Variants in ZNF682 observed in about 807,000 individuals in gnomAD.
The protein encoded by ZNF682 is zinc finger protein 682.
In ZNF682, 29 loss-of-function variants were observed where a neutral mutation model predicts 36.5. The observed-to-expected ratio is 0.80, with a 90% CI of 0.59 to 1.08. The LOEUF (loss-of-function observed/expected upper bound fraction) is 1.08. Among genes scored for constraint, ZNF682 ranks in the 50% least tolerant of loss-of-function variants. ZNF682 has a pLI of 0.00. For synonymous variants in ZNF682, 180 were observed against 197.0 expected, an observed-to-expected ratio of 0.91 and a Z score of 0.72; for missense variants, 561 against 579.7, an observed-to-expected ratio of 0.97 and a Z score of 0.33.
rs1166319326 is a variant in ZNF682 at position 20,006,054 on chromosome 19, T to C, written c.1448A>G (p.Tyr483Cys). The C allele has an allele frequency of 6.2e-7, 1 of 1,608,950 alleles. No individual in the cohort carries two copies. The highest frequency in any genetic ancestry group is 1.1e-5 in the South Asian group (1 of 90,454). Residue 483 changes from tyrosine to cysteine, a missense_variant, in exon 4 of 4, where the codon TAT (tyrosine) becomes TGT (cysteine). Coordinates refer to ENST00000397165, the MANE Select transcript of ZNF682 (RefSeq NM_033196.3). ...RVQRGEKSCKYKKCGEAFNHC... is the reference protein window; with the variant it reads ...RVQRGEKSCKCKKCGEAFNHC... ...ATTAAAAGCTTCCCCACATTTTTTATACTTGCAGGATTTCTCTCCTCTTTG... is the reference window on the plus strand; with the variant it reads ...ATTAAAAGCTTCCCCACATTTTTTACACTTGCAGGATTTCTCTCCTCTTTG...
In ZNF682 at chr19:19,997,898, A is replaced by G. The variant is rs139438800; in HGVS notation, c.227-635T>C. Among the ~76,000 whole-genome samples the G allele has an allele frequency of 1.7e-3, 256 of 152,314 alleles. 1 individual carries two copies. The highest frequency in any genetic ancestry group is 5.9e-3 in the African/African-American group (247 of 41,562). On this transcript the variant is annotated intron_variant, in intron 3 of 3. Coordinates refer to the ZNF682 transcript ENST00000596019. The stretch of plus-strand genomic sequence containing the variant: ...AGAGCCTTCTGGGTTTTTGGTGCCC[A>G]CTGAGCTTTGCTGGAGCAGCTGGAG...
intron 3 of ZNF682, among the ~76,000 whole-genome samples, chr19:20,013,728 G>C (rs1036881478): frequency 1.3e-5 from 2 of 152,166 alleles, no homozygotes; most frequent in African/African-American, 4.8e-5. Flanking sequence ...TTACAGGCAT[G>C]TGCCACCACA....
At chr19:20,036,237 C>T (rs948888822) in intron 1 of ZNF682, among the ~76,000 whole-genome samples, 1 of 152,126 alleles carries the variant, frequency 6.6e-6, no homozygotes, top group African/African-American at 2.4e-5. Context: ...AAACACCTAT[C>T]GTTTTTATCT....
chr19:20,015,571 T>C lies in ZNF682; in HGVS notation c.226+7433A>G, dbSNP rs4808226. ...CAAAATTAAAAGAAACTATAACCCA[T>C]AAAATTCTGAATAAACATAGTGGAG... On this transcript the variant is annotated intron_variant, in intron 3 of 3. Coordinates refer to ENST00000397165, the MANE Select transcript of ZNF682 (RefSeq NM_033196.3). The C allele has an allele frequency of 1.1e-5, 4 of 352,082 alleles. No individual in the cohort carries two copies. In the South Asian group the frequency reaches 4.6e-4, roughly 41 times the overall value. 21.8% of individuals were successfully genotyped at this position (352,082 alleles called of 1,614,324 possible). A position where few individuals can be genotyped will look rare whatever the true frequency, so the allele number is the denominator to read the frequency against.
intron 3 of ZNF682, among the ~76,000 whole-genome samples, chr19:20,012,187 G>T (rs971669014): frequency 6.6e-6 from 1 of 152,000 alleles, no homozygotes; most frequent in African/African-American, 2.4e-5. Context: ...TGAGAAAAAC[G>T]AGAACAAAGT....
intron 1 of ZNF682, among the ~76,000 whole-genome samples, chr19:20,030,297 C>T (rs565465020): frequency 3.9e-5 from 6 of 152,280 alleles, no homozygotes; most frequent in African/African-American, 1.2e-4. Flanking sequence ...GGGCTGGGCG[C>T]GGTGGCTCAT....
At chr19:20,013,347 C>T (rs1373349661) in intron 3 of ZNF682, among the ~76,000 whole-genome samples, 2 of 151,848 alleles carry the variant, frequency 1.3e-5, no homozygotes, top group African/African-American at 4.8e-5. Flanking sequence ...TAAACATTAA[C>T]AAAATTGAAG....
downstream of ZNF682, among the ~76,000 whole-genome samples, chr19:20,003,156 A>C (rs530467368): frequency 6.7e-5 from 8 of 119,788 alleles, no homozygotes; most frequent in Middle Eastern, 7.1e-3. Context: ...GCACCACTGC[A>C]CTCCAGCGTG....
intron 1 of ZNF682, among the ~76,000 whole-genome samples, chr19:20,038,950 A>T (rs961874829): frequency 1.3e-5 from 2 of 152,224 alleles, no homozygotes; most frequent in African/African-American, 4.8e-5. Context: ...TGACTCCCAT[A>T]GTTTTTAAAC....
At chr19:20,038,896 C>A (rs2088557916) in intron 1 of ZNF682, among the ~76,000 whole-genome samples, 1 of 152,208 alleles carries the variant, frequency 6.6e-6, no homozygotes. Context: ...GCTCTCTGAG[C>A]ATAAATCACT....
chr19:20,038,710 C>A (rs1025551878), intron 1 of ZNF682, among the ~76,000 whole-genome samples: 1 of 151,888 alleles, frequency 6.6e-6, no homozygotes, highest in Non-Finnish European at 1.5e-5. Context: ...AACCACAAAC[C>A]TTCAATTAAC....
intron 1 of ZNF682, among the ~76,000 whole-genome samples, chr19:20,034,990 G>A (rs1349607175): frequency 1.3e-5 from 1 of 75,994 alleles, no homozygotes; most frequent in Non-Finnish European, 2.8e-5. Flanking sequence ...CAGCTACTCA[G>A]GAGGCTGAGG....
chr19:20,006,533 G>A lies in ZNF682; in HGVS notation c.969C>T (p.Asn323=), dbSNP rs1013482256. ...YKCKECGKAF[N]HCSLLTIHER... The stretch of plus-strand genomic sequence containing the variant: ...CATGTATAGTAAGTAGTGAGCAGTG[G>A]TTAAAGGCTTTCCCACATTCTTTAC... Residue 323 remains asparagine, a synonymous_variant, in exon 4 of 4, where the codon AAC becomes AAT. Coordinates refer to ENST00000397165, the MANE Select transcript of ZNF682 (RefSeq NM_033196.3). 1.2e-6 allele frequency: 2 copies of A among 1,613,890 alleles called. No individual in the cohort carries two copies. The highest frequency in any genetic ancestry group is 1.7e-6 in the Non-Finnish European group (2 of 1,179,984).
chr19:20,008,538 G>A (rs1568538644), intron 3 of ZNF682, among the ~76,000 whole-genome samples: 2 of 152,152 alleles, frequency 1.3e-5, no homozygotes, highest in African/African-American at 4.8e-5. Flanking sequence ...TCGAGCCATG[G>A]CATCACCAAA....
rs891260153 is a variant in ZNF682 at position 20,005,766 on chromosome 19, G to C, written c.*239C>G. ...TTATCTAGCACAAAACCTCTGATGA[G>C]TAAGTTCATAGTAGTTATTAAATGC... On this transcript the variant is annotated 3_prime_UTR_variant, in exon 4 of 4. Transcript: ENST00000397165. 2.0e-6 allele frequency: 1 copy of C among 500,154 alleles called. No homozygotes were observed. Among genetic ancestry groups the C allele is most frequent in the Non-Finnish European group, 3.5e-6 (1 of 284,980 alleles). The allele number at this position is 500,154 out of a possible 1,614,324, so 31.0% of individuals were successfully genotyped here.
At chr19:20,018,432 C>T (rs1385997653) in intron 3 of ZNF682, among the ~76,000 whole-genome samples, 3 of 152,060 alleles carry the variant, frequency 2.0e-5, no homozygotes, top group Non-Finnish European at 1.5e-5. Context: ...GCAAAACACC[C>T]TTTAAAAAGA....
chr19:19,996,136 C>T (rs77060555), downstream of ZNF682, among the ~76,000 whole-genome samples: 9,624 of 152,228 alleles, frequency 0.063, 506 homozygotes, highest in East Asian at 0.19. Flanking sequence ...TCTGCATTAG[C>T]GATGTAAGGA....
At chr19:20,016,870 T>G (rs1465674816) in intron 3 of ZNF682, among the ~76,000 whole-genome samples, 1 of 150,292 alleles carries the variant, frequency 6.7e-6, no homozygotes, top group Admixed American at 6.6e-5. Flanking sequence ...CCATAGAATT[T>G]AATAAACCAA....
chr19:20,006,470 T>C lies in ZNF682; in HGVS notation c.1032A>G (p.Glu344=), dbSNP rs770914602. Residue 344 remains glutamate (E), a synonymous_variant, in exon 4 of 4, where the codon GAA becomes GAG. Coordinates refer to ENST00000397165, the MANE Select transcript of ZNF682 (RefSeq NM_033196.3). ...THTGEKPYKC[E]ECGKAFNSSS... ...ATGAGTTAAAAGCTTTGCCACATTC[T>C]TCACATTTATAGGGTTTCTCTCCCG... 8.1e-6 allele frequency: 13 copies of C among 1,614,100 alleles called. No individual in the cohort carries two copies. The highest frequency in any genetic ancestry group is 8.5e-6 in the Non-Finnish European group (10 of 1,180,004).
Sources: gnomAD v4.1 joint callset for allele counts (sites outside exome capture counted in the v4.1 genomes callset) on GRCh38, gnomAD v4.1.1 for gene constraint, MANE v1.5 for transcripts, NCBI Gene and HGNC (gene_info 2026-07-23, HGNC 2026-07-21) for gene names.